Variants in KLHL2 observed in about 807,000 individuals in gnomAD.
KLHL2 encodes kelch like family member 2.
Under a neutral mutation model 75.8 loss-of-function variants are expected in KLHL2, and 15 were observed. That is an observed-to-expected ratio of 0.20 (90% CI 0.13 to 0.30). KLHL2 has a LOEUF of 0.30. KLHL2 is among the 10% of genes least tolerant of loss of function. The pLI is 1.00. For synonymous variants in KLHL2, 214 were observed against 251.9 expected (o/e 0.85, Z 1.42); for missense variants, 381 against 741.0 (o/e 0.51, Z 5.64).
intron 5 of KLHL2, among the ~76,000 whole-genome samples, chr4:165,275,192 A>G (rs1299578279): frequency 6.6e-6 from 1 of 151,942 alleles, no homozygotes; most frequent in Non-Finnish European, 1.5e-5. Context: ...TAAAAATGAA[A>G]TTTTTCTCAG....
At chr4:165,241,490 T>C (rs1739814907) in intron 4 of KLHL2, among the ~76,000 whole-genome samples, 1 of 152,194 alleles carries the variant, frequency 6.6e-6, no homozygotes, top group Admixed American at 6.5e-5. Context: ...CTGAAGGTGC[T>C]GACAGTGGGA....
intron 4 of KLHL2, among the ~76,000 whole-genome samples, chr4:165,239,105 C>G (rs1476238439): frequency 2.0e-5 from 3 of 152,096 alleles, no homozygotes; most frequent in Non-Finnish European, 4.4e-5. Flanking sequence ...ATCTGAGATA[C>G]AAATCCTTTA....
At chr4:165,256,818 TATAGC>T (rs1198419854) in intron 4 of KLHL2, among the ~76,000 whole-genome samples, 1 of 152,242 alleles carries the variant, frequency 6.6e-6, no homozygotes, top group African/African-American at 2.4e-5. Flanking sequence ...ACAATTGTGG[TATAGC>T]CCTCTAATAC....
intron 3 of KLHL2, among the ~76,000 whole-genome samples, chr4:165,234,904 C>T (rs1579007777): frequency 6.6e-6 from 1 of 151,856 alleles, no homozygotes; most frequent in Admixed American, 6.6e-5. Context: ...GAGGCCAAGG[C>T]GGAAGAATCA....
chr4:165,279,558 A>T, intron 5 of KLHL2: 1 of 1,584,636 alleles, frequency 6.3e-7, no homozygotes, highest in Non-Finnish European at 8.7e-7. Flanking sequence ...GCTGTTCTTG[A>T]ATTGAAAACC....
chr4:165,311,805 C>G (rs1463099473), intron 11 of KLHL2, among the ~76,000 whole-genome samples: 1 of 101,904 alleles, frequency 9.8e-6, no homozygotes, highest in Non-Finnish European at 2.0e-5. Flanking sequence ...CTCCTCCTTT[C>G]TCTCTGTGTG....
chr4:165,252,661 G>A (rs886394226), intron 4 of KLHL2: 7 of 152,022 alleles, frequency 4.6e-5, no homozygotes, highest in South Asian at 4.1e-4. Flanking sequence ...TATTTCTTGC[G>A]AAAATAGAAT....
chr4:165,308,511 A>G (rs1745901458), intron 9 of KLHL2, among the ~76,000 whole-genome samples: 1 of 152,174 alleles, frequency 6.6e-6, no homozygotes, highest in Non-Finnish European at 1.5e-5. Context: ...CAGTTTCCTG[A>G]TAACTTTGGG....
chr4:165,299,793 T>C (rs1560819286), intron 8 of KLHL2, 137 bp downstream of exon 8: 2 of 690,534 alleles, frequency 2.9e-6, no homozygotes, highest in East Asian at 5.7e-5. Context: ...TAAGAATGCA[T>C]TGTAGTGTAT....
In KLHL2 at chr4:165,279,051, C is replaced by T. The variant is rs377440198; in HGVS notation, c.545-15308C>T. ...AGCATAGTCCTACTTGCATTTGTTA[C>T]ATCTGTACAGTGGACACCTCCATTG... On this transcript the variant is annotated intron_variant, in intron 5 of 14. Transcript: ENST00000226725. The T allele has an allele frequency of 1.1e-5, 16 of 1,512,242 alleles. No individual in the cohort carries two copies. The East Asian group carries it at 3.4e-4, about 32-fold the overall frequency. 93.7% of individuals were successfully genotyped at this position (1,512,242 alleles called of 1,614,324 possible).
At chr4:165,243,744 C>G (rs1271943745) in intron 4 of KLHL2, among the ~76,000 whole-genome samples, 1 of 152,128 alleles carries the variant, frequency 6.6e-6, no homozygotes, top group Admixed American at 6.5e-5. Flanking sequence ...TAGGAGTATG[C>G]TGTATAGATA....
rs1235283121 is a variant in KLHL2, at chr4:165,284,407, T to C, written c.545-9952T>C. ...AAATCATCTCTCTCAAGTTCAAAGT[T>C]CCACAGTTCTCTAGGGCAGGGACAA... On this transcript the variant is annotated intron_variant, in intron 5 of 14. Coordinates refer to ENST00000226725, the MANE Select transcript of KLHL2 (RefSeq NM_007246.4). Among the ~76,000 whole-genome samples the C allele has an allele frequency of 2.6e-5, 4 of 152,294 alleles. No homozygotes were observed. In the East Asian group the frequency reaches 7.7e-4, roughly 29 times the overall value.
At chr4:165,264,406 T>C (rs1741977659) in intron 5 of KLHL2, among the ~76,000 whole-genome samples, 1 of 151,640 alleles carries the variant, frequency 6.6e-6, no homozygotes, top group Non-Finnish European at 1.5e-5. Context: ...CCATGTCCAT[T>C]ATACCACTCT....
At position 165,294,441 on chromosome 4, in the gene KLHL2, C is replaced by T. The variant is rs1744754796; in HGVS notation, c.627C>T (p.Asp209=). The T allele has an allele frequency of 1.2e-6, 2 of 1,600,586 alleles. No homozygotes were observed. The highest frequency in any genetic ancestry group is 4.5e-5 in the East Asian group (2 of 44,774). The stretch of plus-strand genomic sequence containing the variant: ...AAGTGTGCAGCTTAATCTCAAGTGA[C>T]AAACTTACCATTTCTTCAGAAGAGA... ...IEQVCSLISS[D]KLTISSEEKV... The change falls in exon 6 of 15, where the codon GAC becomes GAT. Residue 209 remains aspartate, a synonymous_variant. Transcript: ENST00000226725.
intron 4 of KLHL2, among the ~76,000 whole-genome samples, chr4:165,260,348 T>C (rs990994853): frequency 1.3e-5 from 2 of 152,154 alleles, no homozygotes; most frequent in Non-Finnish European, 2.9e-5. Flanking sequence ...TTCACTGTCA[T>C]CAAAAAAAAT....
chr4:165,311,807 CTCTGTGTG>C (rs1464933639), intron 11 of KLHL2, among the ~76,000 whole-genome samples: 16 of 111,724 alleles, frequency 1.4e-4, no homozygotes, highest in African/African-American at 4.7e-4. Flanking sequence ...CCTCCTTTCT[CTCTGTGTG>C]TGTGTGTGTG....
intron 1 of KLHL2, among the ~76,000 whole-genome samples, chr4:165,211,987 AC>A (rs1032987530): frequency 1.3e-4 from 20 of 152,290 alleles, no homozygotes; most frequent in African/African-American, 4.8e-4. Context: ...GCTTATGAAG[AC>A]CACTGAACTT....
At position 165,313,272 on chromosome 4, in the gene KLHL2, A is replaced by G. The variant is rs375518093; in HGVS notation, c.1374A>G (p.Ala458=). ...LLYAVGGYDG[A]SRQCLSTVEC... is the part of the protein sequence containing the mutation. Reference sequence around the variant, plus strand: ...ATGCTGTAGGAGGTTATGATGGAGCATCACGTCAGTGTCTTAGCACAGTAG... The same window carrying G: ...ATGCTGTAGGAGGTTATGATGGAGCGTCACGTCAGTGTCTTAGCACAGTAG... Residue 458 remains alanine, a synonymous_variant, in exon 12 of 15, where the codon GCA becomes GCG. Coordinates refer to ENST00000226725, the MANE Select transcript of KLHL2 (RefSeq NM_007246.4). The G allele has an allele frequency of 1.9e-6, 3 of 1,610,824 alleles. No individual in the cohort carries two copies. The East Asian group carries it at 6.7e-5, about 36-fold the overall frequency.
chr4:165,268,315 A>C (rs1228255767), intron 5 of KLHL2, among the ~76,000 whole-genome samples: 2 of 151,892 alleles, frequency 1.3e-5, no homozygotes, highest in Admixed American at 1.3e-4. Context: ...TGTCTCCTTC[A>C]GTTCTGCTCT....
Sources: allele counts gnomAD v4.1 joint callset (sites outside exome capture counted in the v4.1 genomes callset), GRCh38; gene constraint gnomAD v4.1.1; transcripts MANE v1.5; gene names NCBI Gene and HGNC (gene_info 2026-07-23, HGNC 2026-07-21).